The following SYBU variants were observed in gnomAD, a reference collection of about 807,000 sequenced individuals.
The protein encoded by SYBU is syntabulin.
Under a neutral mutation model 35.9 loss-of-function variants are expected in SYBU, and 21 were observed. The ratio of observed to expected loss-of-function variants is 0.58; its 90% CI spans 0.41 to 0.84. SYBU has a LOEUF of 0.84. SYBU is among the 40% of genes least tolerant of loss of function. The pLI is 0.00. For synonymous variants in SYBU, 319 were observed against 324.3 expected, an observed-to-expected ratio of 0.98 and a Z score of 0.18; for missense variants, 768 against 848.2, an observed-to-expected ratio of 0.91 and a Z score of 1.17.
intron 1 of SYBU, among the ~76,000 whole-genome samples, chr8:109,678,792 C>T (rs1817297085): frequency 6.6e-6 from 1 of 152,080 alleles, no homozygotes; most frequent in Non-Finnish European, 1.5e-5. Context: ...GGCAGAGGTT[C>T]TCAACCTTGA....
chr8:109,575,905 C>T lies in SYBU; in HGVS notation c.993G>A (p.Arg331=). 2 of 1,614,002 alleles carry T rather than the reference C, an allele frequency of 1.2e-6. No homozygotes were observed. Among genetic ancestry groups the T allele is most frequent in the East Asian group, 2.2e-5 (1 of 44,870 alleles). The part of the protein sequence containing the change: ...VEAQLALKEA[R]KEIKQLKQVI... ...CCTGTTTGAGCTGTTTAATCTCTTTCCTGGCTTCTTTGAGTGCCAACTGGG... is the reference window on the plus strand; with the variant it reads ...CCTGTTTGAGCTGTTTAATCTCTTTTCTGGCTTCTTTGAGTGCCAACTGGG... Residue 331 remains arginine (R), a synonymous_variant, in exon 7 of 7, where the codon AGG becomes AGA. Transcript: ENST00000276646.
chr8:109,644,645 G>C lies in SYBU; in HGVS notation c.15C>G (p.Arg5=), dbSNP rs1221793206. Residue 5 remains arginine (R), a synonymous_variant, in exon 1 of 7, where the codon CGC becomes CGG. Coordinates refer to ENST00000276646, the MANE Select transcript of SYBU (RefSeq NM_001099754.2). The part of the protein sequence containing the change: MGPL[R]ESKKEHRVQH... ...GCCCCGCGCTCCTTACCTTGCTCTC[G>C]CGGAGGGGCCCCATCGCGCCGCTGC... 5 of 1,531,016 alleles carry C rather than the reference G, an allele frequency of 3.3e-6. No homozygotes were observed. Among genetic ancestry groups the C allele is most frequent in the Middle Eastern group, 3.4e-4 (2 of 5,968 alleles). 94.8% of individuals were successfully genotyped at this position (1,531,016 alleles called of 1,614,324 possible). A position where few individuals can be genotyped will look rare whatever the true frequency, so the allele number is the denominator to read the frequency against.
At chr8:109,645,967 A>C (rs2130689565), upstream of SYBU, 4 of 152,616 alleles carry the variant, frequency 2.6e-5, no homozygotes, top group South Asian at 8.3e-4. Context: ...AGGGCAGCTA[A>C]GTCAGGTCCA....
chr8:109,580,923 C>T (rs1822958845), intron 4 of SYBU: 3 of 152,192 alleles, frequency 2.0e-5, no homozygotes, highest in South Asian at 4.1e-4. Flanking sequence ...GGTTTTTGAA[C>T]TCATAATCTC....
chr8:109,667,630 T>C (rs1323119997), intron 1 of SYBU, among the ~76,000 whole-genome samples: 1 of 152,214 alleles, frequency 6.6e-6, no homozygotes. Flanking sequence ...TTTTTTATTG[T>C]TCTGTTGTTG....
intron 1 of SYBU, among the ~76,000 whole-genome samples, chr8:109,686,534 G>A (rs1369100954): frequency 6.6e-6 from 1 of 152,072 alleles, no homozygotes; most frequent in Non-Finnish European, 1.5e-5. Context: ...TGTATTAATG[G>A]TGCAAAATTG....
At chr8:109,645,587 C>A (rs1324979444), upstream of SYBU, 3 of 300,552 alleles carry the variant, frequency 1.0e-5, 1 homozygote, top group Non-Finnish European at 2.0e-5. Flanking sequence ...GTCCCTTCAG[C>A]CTGAGTGCCT....
intron 2 of SYBU, among the ~76,000 whole-genome samples, chr8:109,636,184 T>C (rs1209823276): frequency 6.6e-6 from 1 of 152,224 alleles, no homozygotes; most frequent in Non-Finnish European, 1.5e-5. Context: ...TCAAATTTGC[T>C]GATGCCAAGG....
chr8:109,688,957 G>C (rs1168961087), intron 1 of SYBU, among the ~76,000 whole-genome samples: 1 of 152,028 alleles, frequency 6.6e-6, no homozygotes, highest in Non-Finnish European at 1.5e-5. Flanking sequence ...CATCTTAACG[G>C]TGTGTATGGT....
chr8:109,685,108 C>T (rs746087864), upstream of SYBU, among the ~76,000 whole-genome samples: 26 of 152,160 alleles, frequency 1.7e-4, no homozygotes, highest in African/African-American at 2.4e-4. Flanking sequence ...TTCTAATTAC[C>T]GACTGGGTTA....
chr8:109,687,375 T>C lies in SYBU; in HGVS notation c.-58+3958A>G, dbSNP rs562824135. Reference sequence around the variant, plus strand: ...ATGTCACTAGCTTCTCTTAAGACATTTAACAAGTTATGAACTGGGCTTTAC... The same window carrying C: ...ATGTCACTAGCTTCTCTTAAGACATCTAACAAGTTATGAACTGGGCTTTAC... On this transcript the variant is annotated intron_variant, in intron 1 of 7. Transcript: ENST00000422135. Among the ~76,000 whole-genome samples the C allele has an allele frequency of 3.5e-4, 54 of 152,284 alleles. No homozygotes were observed. The South Asian group carries it at 8.1e-3, about 23-fold the overall frequency.
upstream of SYBU, chr8:109,647,763 C>G (rs1456065634): frequency 2.6e-5 from 4 of 152,222 alleles, no homozygotes; most frequent in African/African-American, 9.6e-5. Flanking sequence ...AAAAATCCAA[C>G]ATGTGTTCAG....
intron 1 of SYBU, among the ~76,000 whole-genome samples, chr8:109,656,322 A>T (rs965341080): frequency 1.3e-5 from 2 of 152,158 alleles, no homozygotes; most frequent in Non-Finnish European, 2.9e-5. Context: ...CTTAGTGAAC[A>T]CCTGGAATTT....
intron 3 of SYBU, among the ~76,000 whole-genome samples, chr8:109,603,863 C>A (rs1825801110): frequency 6.6e-6 from 1 of 152,198 alleles, no homozygotes; most frequent in East Asian, 1.9e-4. Flanking sequence ...AGAATAGGAT[C>A]TGGGAGGAGT....
intron 4 of SYBU, chr8:109,585,763 G>A (rs1823541354): frequency 1.3e-5 from 4 of 297,210 alleles, no homozygotes; most frequent in Admixed American, 4.7e-5. Flanking sequence ...AGCTTCCTAT[G>A]CAGATGAGTA....
chr8:109,651,526 C>T (rs1816139988), intron 1 of SYBU, among the ~76,000 whole-genome samples: 1 of 128,130 alleles, frequency 7.8e-6, no homozygotes, highest in South Asian at 2.7e-4. Context: ...TAGGACTCAA[C>T]ATTCAGTATG....
chr8:109,678,025 T>C (rs995560950), intron 1 of SYBU, among the ~76,000 whole-genome samples: 23 of 149,824 alleles, frequency 1.5e-4, no homozygotes, highest in Admixed American at 1.3e-3. Context: ...TCCCAGCTAT[T>C]TGGGAGGCTG....
intron 2 of SYBU, among the ~76,000 whole-genome samples, chr8:109,640,270 C>G (rs578003607): frequency 3.3e-5 from 5 of 152,202 alleles, no homozygotes; most frequent in African/African-American, 1.2e-4. Context: ...GGAAGTGGGT[C>G]CGGGGAAGAA....
chr8:109,585,426 A>G (rs1469283496), intron 4 of SYBU, among the ~76,000 whole-genome samples: 1 of 152,240 alleles, frequency 6.6e-6, no homozygotes, highest in Non-Finnish European at 1.5e-5. Context: ...TAAGGTAAAC[A>G]AGGCATGGAG....
Sources: allele counts gnomAD v4.1 joint callset (sites outside exome capture counted in the v4.1 genomes callset), GRCh38; gene constraint gnomAD v4.1.1; transcripts MANE v1.5; gene names NCBI Gene and HGNC (gene_info 2026-07-23, HGNC 2026-07-21).